The following TTLL8 variants were observed in gnomAD, a reference collection of about 807,000 sequenced individuals.
TTLL8 encodes protein monoglycylase TTLL8.
Under a neutral mutation model 77.8 loss-of-function variants are expected in TTLL8, and 65 were observed. The ratio of observed to expected loss-of-function variants is 0.84; its 90% CI spans 0.68 to 1.03. TTLL8 has a LOEUF of 1.03. Among genes scored for constraint, TTLL8 ranks in the 50% least tolerant of loss-of-function variants. The pLI, the probability that TTLL8 is intolerant of heterozygous loss-of-function variation, is 0.00. For missense variants in TTLL8, 910 were observed against 1,004.5 expected (o/e 0.91, Z 1.27); for synonymous variants, 402 against 422.8 (o/e 0.95, Z 0.60).
rs370243452 is a variant in TTLL8, at chr22:50,054,526, T to TGGAG, written c.51+46_51+49dup. The TGGAG allele has an allele frequency of 2.9e-3, 542 of 187,910 alleles. 1 individual carries two copies. Among genetic ancestry groups the TGGAG allele is most frequent in the African/African-American group, 0.012 (512 of 42,258 alleles). 11.6% of individuals were successfully genotyped at this position (187,910 alleles called of 1,614,324 possible). On this transcript the variant is annotated intron_variant, in intron 1 of 13. Transcript: ENST00000266182. ...GTGCAAACCCCTCTGCACACACAGG[T>TGGAG]GGAGGCACAGTGAGCGTCCCTAAGG...
At chr22:50,054,304 C>T (rs2061459649) in intron 1 of TTLL8, among the ~76,000 whole-genome samples, 3 of 152,262 alleles carry the variant, frequency 2.0e-5, no homozygotes, top group South Asian at 4.1e-4. Flanking sequence ...CTCCCATTTA[C>T]AGAACACGAG....
At position 50,030,458 on chromosome 22, in the gene TTLL8, G is replaced by GCCCTCTGCTGTCTTCAGGC; in HGVS notation, c.2156_2174dup (p.Ala726ProfsTer?). 2 of 1,337,452 alleles carry GCCCTCTGCTGTCTTCAGGC rather than the reference G, an allele frequency of 1.5e-6. No individual in the cohort carries two copies. Among genetic ancestry groups the GCCCTCTGCTGTCTTCAGGC allele is most frequent in the Non-Finnish European group, 2.0e-6 (2 of 1,013,056 alleles). The allele number at this position is 1,337,452 out of a possible 1,614,324, so 82.8% of individuals were successfully genotyped here. ...TTCCTCCGGGCGGCGGACGCAGCGC[G>GCCCTCTGCTGTCTTCAGGC]CCCTCTGCTGTCTTCAGGCCCCGCA... On this transcript the variant is annotated frameshift_variant, in exon 12 of 14. Transcript: ENST00000266182. LOFTEE classifies it high-confidence loss of function.
At position 50,034,310 on chromosome 22, in the gene TTLL8, G is replaced by A. The variant is rs1190330708; in HGVS notation, c.1039+35C>T. ...GCTCCTGGCATCAAGTGTGGCCGTT[G>A]GTGGCTATGAACGCGGTGCAGGGAG... On this transcript the variant is annotated intron_variant, in intron 9 of 13. Transcript: ENST00000266182. This position sits in a 1 kb window ranked among gnomAD's most constrained non-coding sequence, Gnocchi z 4.1. 2 of 1,342,984 alleles carry A rather than the reference G, an allele frequency of 1.5e-6. No individual in the cohort carries two copies. 83.2% of individuals were successfully genotyped at this position (1,342,984 alleles called of 1,614,324 possible). A position where few individuals can be genotyped will look rare whatever the true frequency, so the allele number is the denominator to read the frequency against.
intron 6 of TTLL8, among the ~76,000 whole-genome samples, chr22:50,042,716 G>T (rs984555963): frequency 6.6e-6 from 1 of 152,186 alleles, no homozygotes; most frequent in South Asian, 2.1e-4. Context: ...GATCGCTGGA[G>T]CCTGAAAGTT....
At chr22:50,021,206 ACTC>A (rs1416349389) in intron 12 of TTLL8, among the ~76,000 whole-genome samples, 7 of 125,808 alleles carry the variant, frequency 5.6e-5, no homozygotes, top group Non-Finnish European at 1.1e-4. Context: ...TCTGATGTGT[ACTC>A]CTCCATCTGA....
Position 50,036,832 on chromosome 22 carries a change from G to A in TTLL8, c.922-2370C>T, listed in dbSNP as rs183324305. ...AGGCTGGTCTCAAACTCCTGACCTCGGGTGATCCCCCCGCCTCGGCCTCCT... is the reference window on the plus strand; with the variant it reads ...AGGCTGGTCTCAAACTCCTGACCTCAGGTGATCCCCCCGCCTCGGCCTCCT... On this transcript the variant is annotated intron_variant, in intron 8 of 13. Transcript: ENST00000266182. Among the ~76,000 whole-genome samples, 622 of 151,886 alleles carry A rather than the reference G, an allele frequency of 4.1e-3. 7 individuals are homozygous for A. Among genetic ancestry groups the A allele is most frequent in the African/African-American group, 0.014 (597 of 41,428 alleles).
chr22:50,045,323 C>T (rs753553985), exon 6 of TTLL8: 26 of 1,365,216 alleles, frequency 1.9e-5, no homozygotes, highest in Non-Finnish European at 2.5e-5. Flanking sequence ...TCTGCTGCTC[C>T]TGCTGCAGCT....
chr22:50,045,780 G>T, intron 5 of TTLL8, 76 bp downstream of exon 7: 1 of 1,270,524 alleles, frequency 7.9e-7, no homozygotes. Flanking sequence ...CCATCAGTCT[G>T]TCTCAGCACC....
At chr22:50,031,290 A>C (rs559337808) in intron 11 of TTLL8, among the ~76,000 whole-genome samples, 1 of 152,316 alleles carries the variant, frequency 6.6e-6, no homozygotes, top group East Asian at 1.9e-4. Context: ...CTCAGAGTGG[A>C]GGAGGCACTG....
At chr22:50,047,022 G>T in intron 4 of TTLL8, 146 bp downstream of exon 6, 2 of 1,153,696 alleles carry the variant, frequency 1.7e-6, no homozygotes, top group Non-Finnish European at 2.2e-6. Context: ...AGTGATTCTG[G>T]CCACGGCCTT....
At chr22:50,030,322 A>C in intron 12 of TTLL8, 108 bp downstream of exon 13, 1 of 1,130,960 alleles carries the variant, frequency 8.8e-7, no homozygotes, top group Non-Finnish European at 1.1e-6. Context: ...CCCAGCACCG[A>C]AGCCTGCCCT....
Position 50,028,832 on chromosome 22 carries a change from G to A in TTLL8, c.2203+1598C>T, listed in dbSNP as rs190955037. Among the ~76,000 whole-genome samples the A allele has an allele frequency of 3.6e-3, 28 of 7,844 alleles. No homozygotes were observed. The East Asian group carries it at 0.066, about 18-fold the overall frequency. 5.1% of individuals were successfully genotyped at this position (7,844 alleles called of 152,430 possible). A position where few individuals can be genotyped will look rare whatever the true frequency, so the allele number is the denominator to read the frequency against. On this transcript the variant is annotated intron_variant, in intron 12 of 13. Coordinates refer to ENST00000266182, the Ensembl canonical transcript of TTLL8. Reference sequence around the variant, plus strand: ...CCCTCGTAAAGACCCCCATCACGCTGTCCTAAAGACCCCCACATACCCTCG... The same window carrying A: ...CCCTCGTAAAGACCCCCATCACGCTATCCTAAAGACCCCCACATACCCTCG...
intron 5 of TTLL8, 46 bp downstream of exon 7, chr22:50,045,810 C>G: frequency 2.3e-6 from 3 of 1,296,270 alleles, no homozygotes; most frequent in Non-Finnish European, 3.0e-6. Flanking sequence ...TTTCTAGAAG[C>G]CTCTCTGCTG....
chr22:50,056,772 T>G (rs1252733057), upstream of TTLL8: 4 of 1,287,122 alleles, frequency 3.1e-6, no homozygotes, highest in African/African-American at 6.1e-5. The surrounding 1 kb of genome is among the most constrained non-coding windows in gnomAD (Gnocchi z 4.1). Context: ...GCCCCCAGAG[T>G]CCCTGATTTC....
chr22:50,051,931 C>T (rs2061445370), intron 1 of TTLL8, among the ~76,000 whole-genome samples: 1 of 152,188 alleles, frequency 6.6e-6, no homozygotes, highest in Non-Finnish European at 1.5e-5. Flanking sequence ...AAGACATCTG[C>T]TCAAAGAAGA....
Position 50,033,106 on chromosome 22 carries a change from G to C in TTLL8, c.1283+96C>G, listed in dbSNP as rs932332226. On this transcript the variant is annotated intron_variant, in intron 10 of 13. Coordinates refer to ENST00000266182, the Ensembl canonical transcript of TTLL8. ...CGTGGTGGCAGGTGGCAGTGAGGGG[G>C]CCCTGCCCGTGCTGCTTCTCACTGC... is the stretch of plus-strand genomic sequence containing the variant. 2.6e-5 allele frequency: 32 copies of C among 1,235,962 alleles called. No homozygotes were observed. The African/African-American group carries it at 4.2e-4, about 16-fold the overall frequency. The allele number at this position is 1,235,962 out of a possible 1,614,324, so 76.6% of individuals were successfully genotyped here.
At chr22:50,056,518 C>T (rs1293643154), upstream of TTLL8, among the ~76,000 whole-genome samples, 3 of 152,140 alleles carry the variant, frequency 2.0e-5, no homozygotes, top group Non-Finnish European at 2.9e-5. This position sits in a 1 kb window ranked among gnomAD's most constrained non-coding sequence, Gnocchi z 4.1. Context: ...AGCATTTACC[C>T]ACGCAACGAA....
chr22:50,025,076 A>T (rs949224882), intron 12 of TTLL8, among the ~76,000 whole-genome samples: 20 of 152,208 alleles, frequency 1.3e-4, no homozygotes, highest in Admixed American at 1.3e-3. Context: ...CGCATCATTG[A>T]CCAAAATGTG....
chr22:50,034,637 G>T lies in TTLL8; in HGVS notation c.922-175C>A. ...AAAGGGCTGCGGGTCGGCCCAGGAA[G>T]TTCTCCCAACAGTATGGACACCTGG... On this transcript the variant is annotated intron_variant, in intron 8 of 13. Transcript: ENST00000266182. The surrounding 1 kb of genome is among the most constrained non-coding windows in gnomAD (Gnocchi z 4.1). 1.9e-6 allele frequency: 1 copy of T among 521,916 alleles called. No homozygotes were observed. Among genetic ancestry groups the T allele is most frequent in the Non-Finnish European group, 3.0e-6 (1 of 327,902 alleles). The allele number at this position is 521,916 out of a possible 1,614,324, so 32.3% of individuals were successfully genotyped here. A position where few individuals can be genotyped will look rare whatever the true frequency, so the allele number is the denominator to read the frequency against.
Sources: allele counts gnomAD v4.1 joint callset (sites outside exome capture counted in the v4.1 genomes callset), GRCh38; gene constraint gnomAD v4.1.1; non-coding constraint Gnocchi (gnomAD v3.1); transcripts MANE v1.5; gene names NCBI Gene and HGNC (gene_info 2026-07-23, HGNC 2026-07-21).